Variants in CA1 observed in about 807,000 individuals in gnomAD.
CA1 encodes the protein carbonate dehydratase I.
A neutral mutation model predicts 28.8 loss-of-function variants in CA1; 27 were observed. The ratio of observed to expected loss-of-function variants is 0.94; its 90% CI spans 0.69 to 1.29. The LOEUF (loss-of-function observed/expected upper bound fraction) is 1.29, where lower values mean the gene tolerates loss of function less well. CA1 is among the 50% of genes most tolerant of loss of function. The probability of loss-of-function intolerance (pLI) is 0.00; values close to 1 mark genes in which losing one functional copy is unlikely to be tolerated. For synonymous variants in CA1, 121 were observed against 108.8 expected (o/e 1.11, Z -0.70); for missense variants, 335 against 310.5 (o/e 1.08, Z -0.59).
chr8:85,336,566 C>T (rs112629359), intron 4 of CA1, among the ~76,000 whole-genome samples: 14 of 152,108 alleles, frequency 9.2e-5, no homozygotes, highest in Admixed American at 5.2e-4. Context: ...TTGGCCACAA[C>T]GATACTGCTG....
intron 3 of CA1, 133 bp downstream of exon 3, chr8:85,338,119 C>T: frequency 1.2e-6 from 1 of 869,016 alleles, no homozygotes; most frequent in Non-Finnish European, 1.9e-6. Flanking sequence ...GTCCAAGATG[C>T]CTCACTAGAT....
intron 1 of CA1, among the ~76,000 whole-genome samples, chr8:85,355,014 A>G (rs1260983932): frequency 6.6e-6 from 1 of 152,138 alleles, no homozygotes. Flanking sequence ...GTAACAGCCA[A>G]TGACTGCTGC....
chr8:85,331,705 G>A lies in CA1; in HGVS notation c.513+785C>T, dbSNP rs148408505. Among the ~76,000 whole-genome samples, 1,223 of 151,952 alleles carry A rather than the reference G, an allele frequency of 8.0e-3. 15 individuals are homozygous for A. Among genetic ancestry groups the A allele is most frequent in the African/African-American group, 0.028 (1,157 of 41,468 alleles). ...ACTCCTGACCTCAAGCAATCTACCC[G>A]CCTCGGCCTCCCAAAGTGCAGTGAT... On this transcript the variant is annotated intron_variant, in intron 6 of 7. Transcript: ENST00000523022.
In CA1 at chr8:85,346,655, G is replaced by C. The variant is rs948199485; in HGVS notation, c.-24-4996C>G. On this transcript the variant is annotated intron_variant, in intron 1 of 7. Coordinates refer to ENST00000523022, the MANE Select transcript of CA1 (RefSeq NM_001128831.4). ...TAGGCACCTGTAATCCTAGCTACTC[G>C]GGAGGCTGAGGCAGGAGAATCGCTT... 8.5e-5 allele frequency among the ~76,000 whole-genome samples: 13 copies of C among 152,172 alleles called. No individual in the cohort carries two copies. In the East Asian group the frequency reaches 2.5e-3, roughly 29 times the overall value.
intron 1 of CA1, among the ~76,000 whole-genome samples, chr8:85,357,145 G>C (rs1253472316): frequency 2.6e-5 from 4 of 152,172 alleles, no homozygotes; most frequent in Non-Finnish European, 5.9e-5. Context: ...GTCAGGTCAG[G>C]TTAGGCCCAC....
At position 85,341,632 on chromosome 8, in the gene CA1, C is replaced by A. The variant is rs1408754704; in HGVS notation, c.4G>T (p.Ala2Ser). 1.3e-6 allele frequency: 2 copies of A among 1,593,266 alleles called. No individual in the cohort carries two copies. The highest frequency in any genetic ancestry group is 2.7e-5 in the African/African-American group (2 of 74,462). The change falls in exon 2 of 8, where the codon GCA becomes TCA. Residue 2 changes from alanine (A) to serine (S), a missense_variant. Ala to Ser is a moderately conservative substitution (Grantham distance 99). Coordinates refer to ENST00000523022, the MANE Select transcript of CA1 (RefSeq NM_001128831.4). MASPDWGYDDKN... is the reference protein window; with the variant it reads MSSPDWGYDDKN... ...TCATCATATCCCCAGTCTGGACTTG[C>A]CATTATCTTCTACTGAGTTTTCTTT...
At chr8:85,346,764 A>G (rs979528260) in intron 1 of CA1, among the ~76,000 whole-genome samples, 1 of 152,142 alleles carries the variant, frequency 6.6e-6, no homozygotes, top group Admixed American at 6.6e-5. Flanking sequence ...CTCCGTCTCA[A>G]AATAAATAAA....
chr8:85,330,585 TG>T (rs1413174251), intron 6 of CA1, among the ~76,000 whole-genome samples: 1 of 152,184 alleles, frequency 6.6e-6, no homozygotes, highest in East Asian at 1.9e-4. Flanking sequence ...AGTTAAATGT[TG>T]ATACAAGTTT....
At chr8:85,359,385 C>T (rs1051072716) in intron 1 of CA1, among the ~76,000 whole-genome samples, 6 of 152,208 alleles carry the variant, frequency 3.9e-5, no homozygotes, top group Non-Finnish European at 5.9e-5. Context: ...TGGGGAGAAT[C>T]TATTCCTGCA....
intron 1 of CA1, among the ~76,000 whole-genome samples, chr8:85,363,311 CT>C (rs1396781404): frequency 6.6e-6 from 1 of 152,238 alleles, no homozygotes; most frequent in Admixed American, 6.5e-5. Flanking sequence ...GTGATAAATG[CT>C]GTTGAGGGCT....
chr8:85,376,177 A>G (rs1810408182), intron 1 of CA1, among the ~76,000 whole-genome samples: 1 of 152,112 alleles, frequency 6.6e-6, no homozygotes, highest in Admixed American at 6.6e-5. Context: ...CTAAAAATAC[A>G]AAAATTGGCC....
chr8:85,363,008 G>T (rs1011345005), intron 1 of CA1, among the ~76,000 whole-genome samples: 3 of 152,124 alleles, frequency 2.0e-5, no homozygotes, highest in African/African-American at 7.2e-5. Flanking sequence ...AGAAAGTCAG[G>T]GTAATGTGAG....
Position 85,332,543 on chromosome 8 carries a change from C to T in CA1, c.460G>A (p.Ala154Thr). Residue 154 changes from alanine (A) to threonine (T), a missense_variant, in exon 6 of 8, where the codon GCC becomes ACC. Ala to Thr is a moderately conservative substitution (Grantham distance 58). Coordinates refer to ENST00000523022, the MANE Select transcript of CA1 (RefSeq NM_001128831.4). ...AGTACTTTCTGCAGCTTTGGGTTGG[C>T]CTCACCAACCTGGAGATTTAAGAAA... ...VIGVLMKVGEANPKLQKVLDA... is the reference protein window; with the variant it reads ...VIGVLMKVGETNPKLQKVLDA... The T allele has an allele frequency of 6.2e-7, 1 of 1,611,392 alleles. No homozygotes were observed. The highest frequency in any genetic ancestry group is 2.2e-5 in the East Asian group (1 of 44,756).
At chr8:85,354,069 T>A (rs1435011275) in intron 1 of CA1, among the ~76,000 whole-genome samples, 2 of 151,524 alleles carry the variant, frequency 1.3e-5, no homozygotes, top group Non-Finnish European at 2.9e-5. Context: ...GTTCAAGAGA[T>A]CCTCCCAGCT....
chr8:85,341,357 T>C (rs1222817631), intron 2 of CA1: 1 of 381,166 alleles, frequency 2.6e-6, no homozygotes, highest in East Asian at 4.1e-5. Flanking sequence ...GATAGGGGTC[T>C]GAAACTGAAC....
chr8:85,329,687 A>G lies in CA1; in HGVS notation c.669+2T>C, dbSNP rs1289888855. On this transcript the variant is annotated splice_donor_variant, in intron 7 of 7. Transcript: ENST00000523022. LOFTEE classifies it high-confidence loss of function. Reference sequence around the variant, plus strand: ...CCAGTTCCCATTCATTCACAACTCTACCTGCTCTGAGCTGACACTGATGCT... The same window carrying G: ...CCAGTTCCCATTCATTCACAACTCTGCCTGCTCTGAGCTGACACTGATGCT... The G allele has an allele frequency of 3.1e-6, 5 of 1,609,622 alleles. No individual in the cohort carries two copies. Among genetic ancestry groups the G allele is most frequent in the Non-Finnish European group, 4.2e-6 (5 of 1,177,284 alleles).
At chr8:85,352,684 T>G (rs1380775918) in intron 1 of CA1, among the ~76,000 whole-genome samples, 1 of 142,682 alleles carries the variant, frequency 7.0e-6, no homozygotes. Flanking sequence ...TTTTTTTTTT[T>G]GAGACATAGT....
At chr8:85,356,270 G>A (rs536497651) in intron 1 of CA1, among the ~76,000 whole-genome samples, 169 of 152,172 alleles carry the variant, frequency 1.1e-3, no homozygotes, top group Non-Finnish European at 1.7e-3. Flanking sequence ...GCCTCATTGA[G>A]CTTCAGTTTT....
intron 1 of CA1, among the ~76,000 whole-genome samples, chr8:85,369,218 G>A (rs574969239): frequency 2.6e-5 from 4 of 152,138 alleles, no homozygotes; most frequent in Non-Finnish European, 5.9e-5. Context: ...GGAAACCAGA[G>A]GTCAGCATTG....
Sources: gnomAD v4.1 joint callset for allele counts (sites outside exome capture counted in the v4.1 genomes callset) on GRCh38, gnomAD v4.1.1 for gene constraint, MANE v1.5 for transcripts, NCBI Gene and HGNC (gene_info 2026-07-23, HGNC 2026-07-21) for gene names.